The following SLC1A7 variants were observed in gnomAD, a reference collection of about 807,000 sequenced individuals.
SLC1A7 encodes solute carrier family 1 member 7, also known as excitatory amino acid transporter 5.
Under a neutral mutation model 47.7 loss-of-function variants are expected in SLC1A7, and 40 were observed. The ratio of observed to expected loss-of-function variants is 0.84; its 90% CI spans 0.65 to 1.09. SLC1A7 has a LOEUF of 1.09. Ranked by LOEUF, SLC1A7 falls within the 50% of genes least tolerant of loss-of-function variation. SLC1A7 has a pLI of 0.00. For synonymous variants in SLC1A7, 323 were observed against 325.6 expected, an observed-to-expected ratio of 0.99 and a Z score of 0.09; for missense variants, 746 against 769.5, an observed-to-expected ratio of 0.97 and a Z score of 0.36.
At chr1:53,130,307 C>A (rs1363718249) in intron 2 of SLC1A7, among the ~76,000 whole-genome samples, 2 of 152,060 alleles carry the variant, frequency 1.3e-5, no homozygotes, top group South Asian at 2.1e-4. Context: ...TGGAGATAGA[C>A]CCTTGTGGCA....
chr1:53,110,675 T>C (rs553325026), intron 3 of SLC1A7, among the ~76,000 whole-genome samples: 101 of 152,250 alleles, frequency 6.6e-4, no homozygotes, highest in South Asian at 1.2e-3. Context: ...AAACCATGAA[T>C]CACAGTTACC....
At chr1:53,096,502 C>T (rs904270695) in intron 5 of SLC1A7, among the ~76,000 whole-genome samples, 7 of 151,056 alleles carry the variant, frequency 4.6e-5, no homozygotes, top group African/African-American at 1.7e-4. Context: ...CACTCCACCT[C>T]GGTACACTCA....
intron 4 of SLC1A7, among the ~76,000 whole-genome samples, chr1:53,104,129 C>A (rs1169165087): frequency 6.6e-6 from 1 of 152,108 alleles, no homozygotes; most frequent in East Asian, 1.9e-4. Context: ...TACTGGGAGC[C>A]CAAAAAGGGA....
intron 7 of SLC1A7, among the ~76,000 whole-genome samples, chr1:53,091,398 C>T (rs938552780): frequency 9.9e-5 from 15 of 152,210 alleles, no homozygotes; most frequent in African/African-American, 2.9e-4. Flanking sequence ...CCTGGAAGGC[C>T]GGTTCTACTC....
intron 1 of SLC1A7, among the ~76,000 whole-genome samples, chr1:53,141,395 G>A (rs1645054969): frequency 6.6e-6 from 1 of 151,998 alleles, no homozygotes; most frequent in African/African-American, 2.4e-5. Context: ...TCTCTCCCCA[G>A]GAGGTCTTGA....
At chr1:53,101,959 C>A (rs1391925371) in intron 5 of SLC1A7, among the ~76,000 whole-genome samples, 1 of 152,232 alleles carries the variant, frequency 6.6e-6, no homozygotes, top group African/African-American at 2.4e-5. Flanking sequence ...TGCCTCAGTA[C>A]ACTCACACAA....
chr1:53,129,497 C>T (rs1296983240), intron 2 of SLC1A7, among the ~76,000 whole-genome samples: 2,366 of 112,128 alleles, frequency 0.021, 14 homozygotes, highest in Middle Eastern at 0.034. Context: ...GTGGGCTGCA[C>T]TCAGTTGGAC....
chr1:53,139,767 C>A (rs1485365420), intron 1 of SLC1A7, among the ~76,000 whole-genome samples: 1 of 151,150 alleles, frequency 6.6e-6, no homozygotes, highest in Non-Finnish European at 1.5e-5. Flanking sequence ...ATTTCTTTTT[C>A]TCAACTGTCT....
At chr1:53,103,672 T>C in intron 4 of SLC1A7, 104 bp from the exon 5 acceptor site, 2 of 652,792 alleles carry the variant, frequency 3.1e-6, no homozygotes, top group African/African-American at 3.6e-5. Context: ...TATCCATTCC[T>C]ATCCTATTTG....
At chr1:53,120,679 C>T (rs575745115) in intron 2 of SLC1A7, among the ~76,000 whole-genome samples, 2 of 152,370 alleles carry the variant, frequency 1.3e-5, no homozygotes, top group South Asian at 2.1e-4. Flanking sequence ...CCCACTTCCC[C>T]AGGGCACCCT....
chr1:53,108,044 C>T (rs1300431256), intron 3 of SLC1A7: 1 of 153,826 alleles, frequency 6.5e-6, no homozygotes, highest in Non-Finnish European at 1.4e-5. Flanking sequence ...GATGGGCACC[C>T]TCACATGGTC....
intron 3 of SLC1A7, among the ~76,000 whole-genome samples, chr1:53,113,749 C>A (rs892403165): frequency 2.0e-5 from 3 of 152,134 alleles, no homozygotes; most frequent in Non-Finnish European, 4.4e-5. Flanking sequence ...TGCAACTTAG[C>A]TTTTGGCCTG....
chr1:53,105,755 G>T lies in SLC1A7; in HGVS notation c.451C>A (p.Leu151Ile). The change falls in exon 4 of 11, where the codon CTA (leucine) becomes ATA (isoleucine). Residue 151 changes from leucine to isoleucine, a missense_variant. Physicochemically the swap from Leu to Ile is conservative, Grantham distance 5. Transcript: ENST00000371494. ...ACCTGTTTGAATGTGGCTTCTACTAGGTTGGCTGGGAACATGTTCCTAGGA... is the reference window on the plus strand; with the variant it reads ...ACCTGTTTGAATGTGGCTTCTACTATGTTGGCTGGGAACATGTTCCTAGGA... ...DLIRNMFPAN[L>I]VEATFKQYRT... is the part of the protein sequence containing the mutation. 4.3e-6 allele frequency: 7 copies of T among 1,613,508 alleles called. No homozygotes were observed. Among genetic ancestry groups the T allele is most frequent in the Non-Finnish European group, 5.9e-6 (7 of 1,179,626 alleles).
At chr1:53,113,696 T>G (rs1487417843) in intron 3 of SLC1A7, among the ~76,000 whole-genome samples, 1 of 152,110 alleles carries the variant, frequency 6.6e-6, no homozygotes, top group Non-Finnish European at 1.5e-5. Flanking sequence ...AATTGGATCA[T>G]GCCGCTTCTC....
At chr1:53,114,157 T>C (rs1572329198) in intron 3 of SLC1A7, among the ~76,000 whole-genome samples, 1 of 152,138 alleles carries the variant, frequency 6.6e-6, no homozygotes, top group African/African-American at 2.4e-5. Context: ...AGGGGTGACC[T>C]GCAGGGGACC....
At chr1:53,100,184 C>T (rs1177545703) in intron 5 of SLC1A7, among the ~76,000 whole-genome samples, 3 of 95,772 alleles carry the variant, frequency 3.1e-5, no homozygotes, top group Non-Finnish European at 4.7e-5. Context: ...AGTACATTCA[C>T]ACACCCCACC....
At chr1:53,141,094 GC>G (rs1645052265) in intron 1 of SLC1A7, among the ~76,000 whole-genome samples, 1 of 152,162 alleles carries the variant, frequency 6.6e-6, no homozygotes, top group Non-Finnish European at 1.5e-5. Flanking sequence ...GCTCCTCTGA[GC>G]CCTCTTTTCC....
intron 5 of SLC1A7, among the ~76,000 whole-genome samples, chr1:53,097,782 ACT>A (rs1370222027): frequency 6.6e-6 from 1 of 151,166 alleles, no homozygotes; most frequent in Non-Finnish European, 1.5e-5. Context: ...ACCTCAGTAC[ACT>A]CACACACACC....
intron 5 of SLC1A7, among the ~76,000 whole-genome samples, chr1:53,096,471 C>A (rs12096200): frequency 0.02 from 3,043 of 150,886 alleles, 91 homozygotes; most frequent in African/African-American, 0.07. Flanking sequence ...CAATTACACA[C>A]CCCACCTTAG....
Sources: allele counts gnomAD v4.1 joint callset (sites outside exome capture counted in the v4.1 genomes callset), GRCh38; gene constraint gnomAD v4.1.1; transcripts MANE v1.5; gene names NCBI Gene and HGNC (gene_info 2026-07-23, HGNC 2026-07-21).